Variants in HOOK2 observed in about 807,000 individuals in gnomAD.
HOOK2 encodes hook microtubule tethering protein 2.
In HOOK2, 108 loss-of-function variants were observed where a neutral mutation model predicts 111.9. The observed-to-expected ratio is 0.96, with a 90% CI of 0.83 to 1.13. The LOEUF is 1.13. Among genes scored for constraint, HOOK2 ranks in the 50% most tolerant of loss-of-function variants. The pLI, the probability that HOOK2 is intolerant of heterozygous loss-of-function variation, is 0.00. For missense variants in HOOK2, 978 were observed against 951.3 expected (o/e 1.03, Z -0.37); for synonymous variants, 405 against 394.3 (o/e 1.03, Z -0.32).
rs865884157 is a variant in HOOK2, at chr19:12,769,927, C to T, written c.1058G>A (p.Arg353His). 6.4e-7 allele frequency: 1 copy of T among 1,551,462 alleles called. No homozygotes were observed. Among genetic ancestry groups the T allele is most frequent in the South Asian group, 1.2e-5 (1 of 84,664 alleles). Reference sequence around the variant, plus strand: ...CTGGGCGCGCAGGGAGCCCGCTCGGCGTAGCTCATCCTCCAGTTGTCGCGT... The same window carrying T: ...CTGGGCGCGCAGGGAGCCCGCTCGGTGTAGCTCATCCTCCAGTTGTCGCGT... ...ERTRQLEDELRRAGSLRAQLE... is the reference protein window; with the variant it reads ...ERTRQLEDELHRAGSLRAQLE... The change falls in exon 11 of 23, where the codon CGC becomes CAC. Residue 353 changes from arginine (R) to histidine (H), a missense_variant. This residue lies in a region of HOOK2 where 388 missense variants were observed against 358.3 expected (regional missense o/e 1.08). Coordinates refer to ENST00000397668, the MANE Select transcript of HOOK2 (RefSeq NM_013312.3).
upstream of HOOK2, among the ~76,000 whole-genome samples, chr19:12,781,014 AAAAG>A (rs1285006128): frequency 2.5e-5 from 3 of 121,064 alleles, no homozygotes; most frequent in Non-Finnish European, 5.2e-5. Flanking sequence ...AAAATAAAGA[AAAAG>A]AAGGCTGGGC....
At chr19:12,785,277 C>T (rs376556367) in intron 3 of HOOK2, among the ~76,000 whole-genome samples, 4 of 151,340 alleles carry the variant, frequency 2.6e-5, no homozygotes, top group Admixed American at 1.3e-4. Context: ...CAAACACAAA[C>T]CAGCCACAGA....
rs777858876 is a variant in HOOK2 at position 12,763,701 on chromosome 19, G to T, written c.1905C>A (p.Leu635=). Residue 635 remains leucine (L), a synonymous_variant, in exon 21 of 23, where the codon CTC becomes CTA. Coordinates refer to ENST00000397668, the MANE Select transcript of HOOK2 (RefSeq NM_013312.3). ...GTCGGATGCGGACATCCCGTTCTCG[G>T]AGCTGTGTCCTCAGGGAATGGAGTT... ...PPELHSLRTQ[L]RERDVRIRHL... 1.2e-6 allele frequency: 2 copies of T among 1,614,230 alleles called. No homozygotes were observed. The highest frequency in any genetic ancestry group is 1.7e-5 in the Admixed American group (1 of 60,024).
At chr19:12,768,943 G>T (rs927967378) in intron 11 of HOOK2, among the ~76,000 whole-genome samples, 4 of 150,792 alleles carry the variant, frequency 2.7e-5, no homozygotes, top group African/African-American at 7.3e-5. Flanking sequence ...GATTACAGGC[G>T]CGCGCCACCA....
At position 12,786,483 on chromosome 19, in the gene HOOK2, A is replaced by G. The variant is rs1599520838; in HGVS notation, n.42-12258T>C. Among the ~76,000 whole-genome samples, 1 of 152,232 alleles carries G rather than the reference A, an allele frequency of 6.6e-6. No homozygotes were observed. ...CTCCTTATCCTGTGCCCTAGGCCCC[A>G]GGCCCTGGGGCACTGGGGAAGCCTG... is the stretch of plus-strand genomic sequence containing the variant. On this transcript the variant is annotated intron_variant and non_coding_transcript_variant, in intron 3 of 3. Transcript: ENST00000589765. The surrounding 1 kb of genome is among the most constrained non-coding windows in gnomAD (Gnocchi z 4.3).
Position 12,771,481 on chromosome 19 carries a change from C to A in HOOK2, c.520-4G>T. The A allele has an allele frequency of 6.2e-7, 1 of 1,609,038 alleles. No individual in the cohort carries two copies. The highest frequency in any genetic ancestry group is 8.5e-7 in the Non-Finnish European group (1 of 1,177,548). On this transcript the variant is annotated splice_region_variant and splice_polypyrimidine_tract_variant and intron_variant, in intron 7 of 22. Transcript: ENST00000397668. ...TTAGGAAATAGTACCTGCGGGACTG[C>A]AGAGATGAGGGGGAAGAGGAACTCA...
chr19:12,767,939 G>A (rs1568364111), intron 12 of HOOK2, 36 bp from the exon 13 acceptor site: 2 of 1,611,172 alleles, frequency 1.2e-6, no homozygotes, highest in Middle Eastern at 1.7e-4. Flanking sequence ...CCACGGGTCA[G>A]GCTCGGCCTC....
intron 12 of HOOK2, 36 bp downstream of exon 12, chr19:12,767,977 C>A (rs766130847): frequency 5.6e-6 from 9 of 1,610,210 alleles, no homozygotes; most frequent in Non-Finnish European, 7.6e-6. Flanking sequence ...CCAGAATTGG[C>A]AGGGTGGGGC....
intron 6 of HOOK2, 50 bp from the exon 7 acceptor site, chr19:12,772,302 C>T: frequency 6.3e-7 from 1 of 1,577,774 alleles, no homozygotes; most frequent in Non-Finnish European, 8.7e-7. Flanking sequence ...TGAGGCCAGC[C>T]TTCAAAGTAT....
rs781779769 is a variant in HOOK2 at position 12,767,774 on chromosome 19, A to T, written c.1303+42T>A. The T allele has an allele frequency of 1.1e-4, 171 of 1,562,486 alleles. No homozygotes were observed. In the South Asian group the frequency reaches 1.7e-3, roughly 16 times the overall value. ...ACACAACCTGTTCTACCCAAACAGTACACCAGGACAGGTAAGACCCCGGGA... is the reference window on the plus strand; with the variant it reads ...ACACAACCTGTTCTACCCAAACAGTTCACCAGGACAGGTAAGACCCCGGGA... On this transcript the variant is annotated intron_variant, in intron 13 of 22. Transcript: ENST00000397668.
chr19:12,777,465 G>C (rs1031194988), upstream of HOOK2, among the ~76,000 whole-genome samples: 4 of 152,198 alleles, frequency 2.6e-5, no homozygotes, highest in African/African-American at 4.8e-5. Context: ...GGACGTCAGG[G>C]GGGAGACCCT....
intron 3 of HOOK2, chr19:12,792,229 C>A (rs771999822): frequency 5.2e-6 from 8 of 1,533,046 alleles, no homozygotes; most frequent in Non-Finnish European, 7.0e-6. Context: ...AACCACGTGA[C>A]ACCCCCCAAC....
chr19:12,763,338 G>A lies in HOOK2; in HGVS notation c.2104C>T (p.Arg702Cys), dbSNP rs371657591. 73 of 1,614,028 alleles carry A rather than the reference G, an allele frequency of 4.5e-5. No homozygotes were observed. The highest frequency in any genetic ancestry group is 1.3e-4 in the Admixed American group (8 of 60,004). Residue 702 changes from arginine to cysteine, a missense_variant, in exon 23 of 23, where the codon CGT (arginine) becomes TGT (cysteine). Physicochemically the swap from Arg to Cys is radical, Grantham distance 180 (BLOSUM62 -3). Coordinates refer to ENST00000397668, the MANE Select transcript of HOOK2 (RefSeq NM_013312.3). ...AQQRLATNSR[R>C]GPLGRLASLN... is the part of the protein sequence containing the mutation. ...GATGCCAGGCGTCCCAAGGGTCCACGGCGAGAATTGGTTGCCAGCCGCTGC... is the reference window on the plus strand; with the variant it reads ...GATGCCAGGCGTCCCAAGGGTCCACAGCGAGAATTGGTTGCCAGCCGCTGC...
rs758665259 is a variant in HOOK2, at chr19:12,764,892, C to T, written c.1749G>A (p.Gln583=). The T allele has an allele frequency of 1.9e-6, 3 of 1,614,192 alleles. No individual in the cohort carries two copies. In the South Asian group the frequency reaches 3.3e-5, roughly 18 times the overall value. The change falls in exon 20 of 23, where the codon CAG becomes CAA. Residue 583 remains glutamine (Q), a synonymous_variant. Transcript: ENST00000397668. ...SSTARRIEEL[Q]HNLQKKDADL... Reference sequence around the variant, plus strand: ...CCGCGTCCTTCTTCTGCAAGTTATGCTGCAGCTCCTCGATCCGCCGGGCTG... The same window carrying T: ...CCGCGTCCTTCTTCTGCAAGTTATGTTGCAGCTCCTCGATCCGCCGGGCTG...
intron 13 of HOOK2, 110 bp downstream of exon 13, chr19:12,767,706 C>A: frequency 9.4e-7 from 1 of 1,058,496 alleles, no homozygotes; most frequent in Non-Finnish European, 1.4e-6. Context: ...CTGGTCACCT[C>A]CAGCCTGGCC....
intron 11 of HOOK2, among the ~76,000 whole-genome samples, chr19:12,769,211 C>T (rs1279945677): frequency 1.3e-5 from 2 of 152,016 alleles, no homozygotes; most frequent in East Asian, 1.9e-4. Flanking sequence ...GGGATCCACC[C>T]GCCTCGGCCT....
upstream of HOOK2, among the ~76,000 whole-genome samples, chr19:12,782,244 G>A (rs527846477): frequency 6.6e-6 from 1 of 152,310 alleles, no homozygotes; most frequent in South Asian, 2.1e-4. Context: ...TATCACAAAC[G>A]CTATGTGACT....
chr19:12,784,142 G>T (rs982576814), intron 3 of HOOK2, among the ~76,000 whole-genome samples: 1 of 152,160 alleles, frequency 6.6e-6, no homozygotes, highest in African/African-American at 2.4e-5. Flanking sequence ...GACAGACGGA[G>T]GAGGGTCAGC....
At chr19:12,792,138 G>A (rs1446148725) in intron 3 of HOOK2, 1 of 1,596,988 alleles carries the variant, frequency 6.3e-7, no homozygotes, top group Non-Finnish European at 8.5e-7. Context: ...AGGTGCAGGG[G>A]GCGCAGGGGG....
Sources: allele counts gnomAD v4.1 joint callset (sites outside exome capture counted in the v4.1 genomes callset), GRCh38; gene constraint gnomAD v4.1.1; regional missense constraint gnomAD v4.1.1; non-coding constraint Gnocchi (gnomAD v3.1); transcripts MANE v1.5; gene names NCBI Gene and HGNC (gene_info 2026-07-23, HGNC 2026-07-21).